ADAMTS20: variants seen among roughly 807,000 people sequenced by gnomAD.
ADAMTS20 encodes A disintegrin and metalloproteinase with thrombospondin motifs 20.
A neutral mutation model predicts 260.1 loss-of-function variants in ADAMTS20; 225 were observed. The observed-to-expected ratio is 0.87, with a 90% CI of 0.78 to 0.97. The LOEUF (loss-of-function observed/expected upper bound fraction) is 0.97, where lower values mean the gene tolerates loss of function less well. Among genes scored for constraint, ADAMTS20 ranks in the 50% least tolerant of loss-of-function variants. ADAMTS20 has a pLI of 0.00. For synonymous variants in ADAMTS20, 802 were observed against 769.5 expected (o/e 1.04, Z -0.70); for missense variants, 2,400 against 2,337.7 (o/e 1.03, Z -0.55).
chr12:43,503,556 C>CT (rs1213510209), intron 3 of ADAMTS20, among the ~76,000 whole-genome samples: 1 of 151,500 alleles, frequency 6.6e-6, no homozygotes, highest in Non-Finnish European at 1.5e-5. Flanking sequence ...TCGTCTTATT[C>CT]TTTTTTTTCT....
intron 7 of ADAMTS20, among the ~76,000 whole-genome samples, chr12:43,471,229 G>T (rs950776080): frequency 1.3e-5 from 2 of 152,080 alleles, no homozygotes; most frequent in Admixed American, 1.3e-4. Flanking sequence ...GGTGACGGAC[G>T]CACCTGGAAA....
chr12:43,427,311 T>C lies in ADAMTS20; in HGVS notation c.4104A>G (p.Gly1368=). The C allele has an allele frequency of 6.2e-7, 1 of 1,610,968 alleles. No individual in the cohort carries two copies. The highest frequency in any genetic ancestry group is 2.2e-5 in the East Asian group (1 of 44,874). ...PCPQWNYGNW[G]ECSQTCGGGI... ...TTTAGAAAATATTATGACTTACTTC[T>C]CCCCAATTTCCGTAGTTCCACTGTG... Residue 1368 remains glycine, a synonymous_variant, in exon 27 of 39, where the codon GGA becomes GGG. Coordinates refer to ENST00000389420, the MANE Select transcript of ADAMTS20 (RefSeq NM_025003.5).
intron 2 of ADAMTS20, among the ~76,000 whole-genome samples, chr12:43,548,261 C>G (rs1286293903): frequency 6.6e-6 from 1 of 152,186 alleles, no homozygotes; most frequent in Non-Finnish European, 1.5e-5. Context: ...CTTCAGCAAA[C>G]TGCAACCTTA....
At chr12:43,541,770 T>G (rs577217729) in intron 2 of ADAMTS20, among the ~76,000 whole-genome samples, 7 of 152,312 alleles carry the variant, frequency 4.6e-5, no homozygotes, top group African/African-American at 1.7e-4. Flanking sequence ...GGTTTTGTTT[T>G]GTTTTGTTTT....
In ADAMTS20 at chr12:43,551,841, G is replaced by A. The variant is rs932768479; in HGVS notation, c.81C>T (p.His27=). The A allele has an allele frequency of 1.2e-6, 2 of 1,613,652 alleles. No individual in the cohort carries two copies. The highest frequency in any genetic ancestry group is 1.7e-5 in the Admixed American group (1 of 60,024). The change falls in exon 1 of 39, where the codon CAC becomes CAT. Residue 27 remains histidine, a synonymous_variant. Coordinates refer to ENST00000389420, the MANE Select transcript of ADAMTS20 (RefSeq NM_025003.5). This position sits in a 1 kb window ranked among gnomAD's most constrained non-coding sequence, Gnocchi z 4.6. Reference sequence around the variant, plus strand: ...TCGCGGTGACTTTACCTTGCCTGGGGTGGAAGTCAACTTCCCAAGACCTGG... The same window carrying A: ...TCGCGGTGACTTTACCTTGCCTGGGATGGAAGTCAACTTCCCAAGACCTGG... ...FITRSWEVDF[H]PRQEALVRTL...
intron 3 of ADAMTS20, among the ~76,000 whole-genome samples, chr12:43,507,236 A>G (rs1336162614): frequency 2.0e-5 from 3 of 152,206 alleles, no homozygotes; most frequent in African/African-American, 2.4e-5. Context: ...GTTTTTATCA[A>G]TGAATTATAC....
intron 10 of ADAMTS20, among the ~76,000 whole-genome samples, chr12:43,463,644 T>C (rs1942103756): frequency 6.6e-6 from 1 of 152,174 alleles, no homozygotes; most frequent in South Asian, 2.1e-4. Context: ...CATTTCACAG[T>C]AAATGTTTAA....
chr12:43,398,167 C>T (rs763033062), intron 29 of ADAMTS20, among the ~76,000 whole-genome samples: 2 of 152,166 alleles, frequency 1.3e-5, no homozygotes, highest in Admixed American at 6.5e-5. Context: ...AGCCAGATGG[C>T]TACATTGAAA....
At chr12:43,415,511 G>A (rs1482377574) in intron 28 of ADAMTS20, among the ~76,000 whole-genome samples, 3 of 152,068 alleles carry the variant, frequency 2.0e-5, no homozygotes, top group Non-Finnish European at 4.4e-5. Flanking sequence ...TATACTTACT[G>A]GATAAGTGAT....
Position 43,440,030 on chromosome 12 carries a change from T to C in ADAMTS20, c.2330A>G (p.Asn777Ser). The C allele has an allele frequency of 6.4e-7, 1 of 1,565,028 alleles. No homozygotes were observed. The highest frequency in any genetic ancestry group is 1.2e-5 in the South Asian group (1 of 85,798). ...DAEGNFLFNG[N>S]FLLSTSKKEI... ...TTTTTTTGACGTACTTAGAAGAAAATTTCCATTGAAAAGAAAATTCCCTTC... is the reference window on the plus strand; with the variant it reads ...TTTTTTTGACGTACTTAGAAGAAAACTTCCATTGAAAAGAAAATTCCCTTC... Residue 777 changes from asparagine to serine, a missense_variant, in exon 17 of 39, where the codon AAT becomes AGT. By Grantham distance (46) the Asn-to-Ser change is conservative. Coordinates refer to ENST00000389420, the MANE Select transcript of ADAMTS20 (RefSeq NM_025003.5).
intron 3 of ADAMTS20, among the ~76,000 whole-genome samples, chr12:43,519,331 C>T (rs1335417392): frequency 1.3e-5 from 2 of 152,092 alleles, no homozygotes; most frequent in African/African-American, 4.8e-5. Context: ...TCTGGCCTCC[C>T]ACTACCATTA....
intron 38 of ADAMTS20, among the ~76,000 whole-genome samples, 159 bp from the exon 39 acceptor site, chr12:43,354,457 T>C (rs1939701919): frequency 6.6e-6 from 1 of 152,198 alleles, no homozygotes; most frequent in Non-Finnish European, 1.5e-5. Context: ...TGCCTTTTGA[T>C]ATTAGTTCAA....
intron 28 of ADAMTS20, among the ~76,000 whole-genome samples, chr12:43,422,388 T>C (rs1424321651): frequency 2.0e-5 from 3 of 152,006 alleles, no homozygotes; most frequent in African/African-American, 7.2e-5. Context: ...ATTAATCTAA[T>C]ATGCTAATAA....
chr12:43,461,637 A>C (rs12820744), intron 11 of ADAMTS20, among the ~76,000 whole-genome samples: 49,463 of 151,992 alleles, frequency 0.33, 8,653 homozygotes, highest in East Asian at 0.75. Flanking sequence ...ATCTTGGAGC[A>C]CATCTTCAAA....
intron 29 of ADAMTS20, among the ~76,000 whole-genome samples, chr12:43,397,032 C>G (rs1750421665): frequency 6.6e-6 from 1 of 152,246 alleles, no homozygotes; most frequent in Admixed American, 6.5e-5. Flanking sequence ...CAATGTTTCA[C>G]ACGCTTAGGG....
intron 11 of ADAMTS20, among the ~76,000 whole-genome samples, chr12:43,457,091 C>T (rs958672009): frequency 2.0e-5 from 3 of 152,198 alleles, no homozygotes; most frequent in African/African-American, 7.2e-5. Flanking sequence ...ATAGCCAGTT[C>T]TTATTCTCTG....
chr12:43,521,033 G>C (rs1943064828), intron 3 of ADAMTS20, among the ~76,000 whole-genome samples: 1 of 152,162 alleles, frequency 6.6e-6, no homozygotes, highest in Non-Finnish European at 1.5e-5. Context: ...GTGGCCAATG[G>C]ACAGCTCAGT....
chr12:43,389,085 T>C (rs763292489), intron 29 of ADAMTS20, among the ~76,000 whole-genome samples: 1 of 152,186 alleles, frequency 6.6e-6, no homozygotes, highest in Non-Finnish European at 1.5e-5. Flanking sequence ...ACTCCTCAAA[T>C]TCGTGTCCTT....
At position 43,452,326 on chromosome 12, in the gene ADAMTS20, C is replaced by T. The variant is rs777379464; in HGVS notation, c.2027G>A (p.Gly676Asp). Residue 676 changes from glycine to aspartate, a missense_variant, in exon 14 of 39, where the codon GGT (glycine) becomes GAT (aspartate). Physicochemically the swap from Gly to Asp is moderately conservative, Grantham distance 94. Coordinates refer to ENST00000389420, the MANE Select transcript of ADAMTS20 (RefSeq NM_025003.5). ...ATGAGTTTCAGTTCCACAAGGAGTA[C>T]CATCTTCAACCATATCCTTCAATAG... ...FYLLKDMVED[G>D]TPCGTETHDI... 64 of 1,613,194 alleles carry T rather than the reference C, an allele frequency of 4.0e-5. No homozygotes were observed. The Admixed American group carries it at 1.0e-3, about 26-fold the overall frequency.
Sources: gnomAD v4.1 joint callset for allele counts (sites outside exome capture counted in the v4.1 genomes callset) on GRCh38, gnomAD v4.1.1 for gene constraint, Gnocchi (gnomAD v3.1) non-coding constraint, MANE v1.5 for transcripts, NCBI Gene and HGNC (gene_info 2026-07-23, HGNC 2026-07-21) for gene names.